Variants in FCSK observed in about 807,000 individuals in gnomAD.
The protein encoded by FCSK is L-fucose kinase.
A neutral mutation model predicts 122.5 loss-of-function variants in FCSK; 123 were observed. The observed-to-expected ratio is 1.00, with a 90% confidence interval of 0.87 to 1.17. The LOEUF (loss-of-function observed/expected upper bound fraction) is 1.17, where lower values mean the gene tolerates loss of function less well. Among genes scored for constraint, FCSK ranks in the 50% most tolerant of loss-of-function variants. FCSK has a pLI of 0.00. For missense variants in FCSK, 1,366 were observed against 1,450.4 expected (o/e 0.94, Z 0.95); for synonymous variants, 620 against 625.5 (o/e 0.99, Z 0.13).
intron 1 of FCSK, among the ~76,000 whole-genome samples, chr16:70,455,317 G>A (rs1207982778): frequency 1.3e-5 from 2 of 152,178 alleles, no homozygotes; most frequent in East Asian, 3.8e-4. Context: ...AGCAGATGAG[G>A]CTGTATTGAA....
Position 70,464,983 on chromosome 16 carries a change from C to T in FCSK, c.235-143C>T. ...GGGACCAGGGCTGCCCCTTGTCTGC[C>T]TGTGGCCATTGGTTTGACCTTGCCT... On this transcript the variant is annotated intron_variant, in intron 3 of 23. Coordinates refer to ENST00000288078, the MANE Select transcript of FCSK (RefSeq NM_145059.3). 12 of 1,542,008 alleles carry T rather than the reference C, an allele frequency of 7.8e-6. No homozygotes were observed. In the South Asian group the frequency reaches 1.4e-4, roughly 18 times the overall value.
intron 1 of FCSK, among the ~76,000 whole-genome samples, chr16:70,455,925 G>A (rs1391438930): frequency 6.6e-6 from 1 of 151,418 alleles, no homozygotes; most frequent in Admixed American, 6.6e-5. Flanking sequence ...GCTTACACCT[G>A]TAATCCCAAC....
In FCSK at chr16:70,479,718, T is replaced by C. The variant is rs2048939956; in HGVS notation, c.*38T>C. 2 of 1,540,672 alleles carry C rather than the reference T, an allele frequency of 1.3e-6. No homozygotes were observed. The highest frequency in any genetic ancestry group is 1.8e-6 in the Non-Finnish European group (2 of 1,117,618). On this transcript the variant is annotated 3_prime_UTR_variant, in exon 24 of 24. Transcript: ENST00000288078. ...TCTGCAACAGGAGAAAACCTGGAGC[T>C]ACAGTGTCCCCCACCTTCCTTGCCC...
Position 70,471,078 on chromosome 16 carries a change from G to T in FCSK, c.1170+6G>T. ...TGCAGCACTGCCACCTGCAGGTGAG[G>T]CCTGAGCGTGTGGGCAGATTGGGGC... On this transcript the variant is annotated splice_donor_region_variant and intron_variant, in intron 12 of 23. Coordinates refer to ENST00000288078, the MANE Select transcript of FCSK (RefSeq NM_145059.3). 1 of 1,597,380 alleles carries T rather than the reference G, an allele frequency of 6.3e-7. No homozygotes were observed. Among genetic ancestry groups the T allele is most frequent in the Non-Finnish European group, 8.5e-7 (1 of 1,174,648 alleles).
chr16:70,471,504 A>C (rs1441613347), intron 13 of FCSK, 152 bp downstream of exon 13: 73 of 793,512 alleles, frequency 9.2e-5, no homozygotes, highest in Middle Eastern at 3.2e-4. Flanking sequence ...AGAATGAGGG[A>C]GGAGATAGGG....
At chr16:70,479,447 G>C (rs776851151) in intron 23 of FCSK, 44 bp downstream of exon 23, 1 of 1,559,142 alleles carries the variant, frequency 6.4e-7, no homozygotes, top group South Asian at 1.1e-5. Flanking sequence ...CTGGGGGCAA[G>C]AGACCTCACT....
chr16:70,468,528 G>C (rs1407067143), intron 8 of FCSK, among the ~76,000 whole-genome samples: 1 of 152,190 alleles, frequency 6.6e-6, no homozygotes, highest in Non-Finnish European at 1.5e-5. Context: ...GTTGGGAGGA[G>C]GCCTAGAGCC....
chr16:70,477,992 A>C lies in FCSK; in HGVS notation c.2642-280A>C, dbSNP rs1400207552. On this transcript the variant is annotated intron_variant, in intron 20 of 23. Coordinates refer to ENST00000288078, the MANE Select transcript of FCSK (RefSeq NM_145059.3). ...GCCACCGTGCCCGGCCATAGTGTAA[A>C]ATCTTTATTCTTCAGTGTGGTTTAT... is the stretch of plus-strand genomic sequence containing the variant. 3 of 430,910 alleles carry C rather than the reference A, an allele frequency of 7.0e-6. No individual in the cohort carries two copies. The East Asian group carries it at 1.2e-4, about 17-fold the overall frequency. The allele number at this position is 430,910 out of a possible 1,614,324, so 26.7% of individuals were successfully genotyped here. A position where few individuals can be genotyped will look rare whatever the true frequency, so the allele number is the denominator to read the frequency against.
In FCSK at chr16:70,479,386, G is replaced by C. The variant is rs374126654; in HGVS notation, c.3136G>C (p.Val1046Leu). Residue 1046 changes from valine (V) to leucine (L), a missense_variant, in exon 23 of 24, where the codon GTG becomes CTG. By Grantham distance (32) the Val-to-Leu change is conservative. Coordinates refer to ENST00000288078, the MANE Select transcript of FCSK (RefSeq NM_145059.3). ...EPQQKEALEA[V>L]LAKTEGLGNY... is the part of the protein sequence containing the mutation. The stretch of plus-strand genomic sequence containing the variant: ...ACAGCAAAAGGAGGCCTTGGAGGCG[G>C]TGCTGGCCAAGACCGAGGTACTGAT... 1 of 1,613,410 alleles carries C rather than the reference G, an allele frequency of 6.2e-7. No individual in the cohort carries two copies.
chr16:70,465,007 C>G, intron 3 of FCSK, 119 bp from the exon 4 acceptor site: 1 of 1,555,348 alleles, frequency 6.4e-7, no homozygotes, highest in South Asian at 1.2e-5. Flanking sequence ...TTGACCTTGC[C>G]TTTTGTCCCT....
In FCSK at chr16:70,465,957, A is replaced by G. The variant is rs576245487; in HGVS notation, c.286-175A>G. 4.6e-5 allele frequency among the ~76,000 whole-genome samples: 7 copies of G among 152,320 alleles called. No homozygotes were observed. The East Asian group carries it at 7.7e-4, about 17-fold the overall frequency. On this transcript the variant is annotated intron_variant, in intron 4 of 23. Coordinates refer to ENST00000288078, the MANE Select transcript of FCSK (RefSeq NM_145059.3). ...AACAGAGCAAGACTTAGTCTAAAAA[A>G]TTGCAGTGCAATGCAATGCAATGCA... is the stretch of plus-strand genomic sequence containing the variant.
chr16:70,464,879 A>AAAC (rs570632522), intron 3 of FCSK: 7 of 715,660 alleles, frequency 9.8e-6, no homozygotes, highest in African/African-American at 1.8e-5. Flanking sequence ...CCCTGTCTCA[A>AAAC]AACAACAACA....
In FCSK at chr16:70,469,210, T is replaced by C. The variant is rs936604155; in HGVS notation, c.842T>C (p.Phe281Ser). The C allele has an allele frequency of 8.1e-6, 13 of 1,613,916 alleles. No homozygotes were observed. Among genetic ancestry groups the C allele is most frequent in the Non-Finnish European group, 1.0e-5 (12 of 1,179,936 alleles). The change falls in exon 10 of 24, where the codon TTC (phenylalanine) becomes TCC (serine). Residue 281 changes from phenylalanine to serine, a missense_variant. Transcript: ENST00000288078. The stretch of plus-strand genomic sequence containing the variant: ...GCTGAGAACGTGACCAGGGAGGACT[T>C]CCTGGTGGGGAGGCCCCCAGAGTTG... Reference protein sequence around the residue: ...CMAENVTREDFLVGRPPELGQ... With the variant: ...CMAENVTREDSLVGRPPELGQ...
chr16:70,460,978 G>A (rs17879275), intron 1 of FCSK, among the ~76,000 whole-genome samples: 18,306 of 152,224 alleles, frequency 0.12, 3,655 homozygotes, highest in African/African-American at 0.41. Context: ...ATCCTGGGAG[G>A]AGCCTTCACC....
intron 11 of FCSK, among the ~76,000 whole-genome samples, 191 bp from the exon 12 acceptor site, chr16:70,470,780 G>A (rs954798065): frequency 3.3e-5 from 5 of 152,216 alleles, no homozygotes; most frequent in East Asian, 3.9e-4. Context: ...AAGGTTGGGC[G>A]TAGTTGGACA....
rs746962657 is a variant in FCSK at position 70,466,140 on chromosome 16, C to A, written c.294C>A (p.Asp98Glu). The A allele has an allele frequency of 2.5e-6, 4 of 1,613,950 alleles. No homozygotes were observed. ...AWILILHMGR[D>E]FPFDDCGRAF... is the part of the protein sequence containing the mutation. ...AGTCCCCCGACTTCCAGGGTCGAGA[C>A]TTCCCCTTTGATGACTGTGGCAGGG... Residue 98 changes from aspartate (D) to glutamate (E), a missense_variant, in exon 5 of 24, where the codon GAC (aspartate) becomes GAA (glutamate). Coordinates refer to ENST00000288078, the MANE Select transcript of FCSK (RefSeq NM_145059.3).
At chr16:70,475,625 G>A in intron 19 of FCSK, 23 bp from the exon 20 acceptor site, 6 of 1,576,544 alleles carry the variant, frequency 3.8e-6, no homozygotes, top group Non-Finnish European at 5.2e-6. Context: ...TTTCATGTCT[G>A]CTCTCTCCTC....
intron 3 of FCSK, 139 bp from the exon 4 acceptor site, chr16:70,464,987 G>A (rs2048372983): frequency 6.5e-7 from 1 of 1,544,266 alleles, no homozygotes; most frequent in East Asian, 2.5e-5. Flanking sequence ...GTCTGCCTGT[G>A]GCCATTGGTT....
In FCSK at chr16:70,473,439, G is replaced by C; in HGVS notation, c.1777+86G>C. 2 of 1,399,282 alleles carry C rather than the reference G, an allele frequency of 1.4e-6. No homozygotes were observed. 86.7% of individuals were successfully genotyped at this position (1,399,282 alleles called of 1,614,324 possible). A position where few individuals can be genotyped will look rare whatever the true frequency, so the allele number is the denominator to read the frequency against. ...TCTGGGCCATCCCCTGAGGGGACTA[G>C]GGGACCATGAGGTGCTCAAGCAGGG... On this transcript the variant is annotated intron_variant, in intron 15 of 23. Coordinates refer to ENST00000288078, the MANE Select transcript of FCSK (RefSeq NM_145059.3). This position sits in a 1 kb window ranked among gnomAD's most constrained non-coding sequence, Gnocchi z 4.9.
Sources: allele counts gnomAD v4.1 joint callset (sites outside exome capture counted in the v4.1 genomes callset), GRCh38; gene constraint gnomAD v4.1.1; non-coding constraint Gnocchi (gnomAD v3.1); transcripts MANE v1.5; gene names NCBI Gene and HGNC (gene_info 2026-07-23, HGNC 2026-07-21).